CHD1L: variants seen among roughly 807,000 people sequenced by gnomAD.
CHD1L encodes ATP-dependent chromatin remodeler CHD1L.
A neutral mutation model predicts 115.9 loss-of-function variants in CHD1L; 118 were observed. The observed-to-expected ratio is 1.02, with a 90% CI of 0.88 to 1.19. The LOEUF (loss-of-function observed/expected upper bound fraction) is 1.19, where lower values mean the gene tolerates loss of function less well. Ranked by LOEUF, CHD1L falls within the 50% of genes most tolerant of loss-of-function variation. The pLI, the probability that CHD1L is intolerant of heterozygous loss-of-function variation, is 0.00. For synonymous variants in CHD1L, 411 were observed against 387.1 expected, an observed-to-expected ratio of 1.06 and a Z score of -0.72; for missense variants, 1,179 against 1,065.3, an observed-to-expected ratio of 1.11 and a Z score of -1.49.
chr1:147,293,474 C>T (rs1367004721), intron 20 of CHD1L, 134 bp from the exon 21 acceptor site: 2 of 685,634 alleles, frequency 2.9e-6, no homozygotes, highest in African/African-American at 3.6e-5. Context: ...CATTGCTGTT[C>T]AGGCATAGCA....
the CHD1L span, among the ~76,000 whole-genome samples, chr1:147,181,133 G>A: frequency 6.6e-6 from 1 of 152,132 alleles, no homozygotes; most frequent in South Asian, 2.1e-4. Flanking sequence ...CTCTCATACA[G>A]AATTCCAAAT....
chr1:147,174,109 A>G, the CHD1L span, among the ~76,000 whole-genome samples: 1 of 152,044 alleles, frequency 6.6e-6, no homozygotes, highest in Non-Finnish European at 1.5e-5. Context: ...CTACTCCCCT[A>G]TTCTTTGCTC....
intron 19 of CHD1L, among the ~76,000 whole-genome samples, chr1:147,289,888 C>T (rs1205320785): frequency 6.6e-6 from 1 of 152,120 alleles, no homozygotes; most frequent in African/African-American, 2.4e-5. Flanking sequence ...TCATAGAAGA[C>T]GTCACATGAT....
chr1:147,286,511 T>C lies in CHD1L; in HGVS notation c.2221+11T>C. The C allele has an allele frequency of 6.2e-7, 1 of 1,612,056 alleles. No homozygotes were observed. The highest frequency in any genetic ancestry group is 1.9e-4 in the Middle Eastern group (1 of 5,214). On this transcript the variant is annotated intron_variant, in intron 18 of 22. Coordinates refer to ENST00000369258, the MANE Select transcript of CHD1L (RefSeq NM_004284.6). ...TTGTGCACTGCGTAGGTACGAGAAG[T>C]GGTATGGGCTGGGGATGGGGGCCTC...
chr1:147,236,961 G>A, the CHD1L span, among the ~76,000 whole-genome samples: 4 of 152,182 alleles, frequency 2.6e-5, no homozygotes, highest in Non-Finnish European at 4.4e-5. Context: ...TTCCACCCAG[G>A]AGACTGCCTC....
intron 11 of CHD1L, among the ~76,000 whole-genome samples, chr1:147,271,529 C>T (rs184143116): frequency 1.3e-5 from 2 of 152,344 alleles, no homozygotes; most frequent in East Asian, 3.9e-4. Context: ...AAGGCTCTAA[C>T]ATGAGTTGAT....
At chr1:147,229,949 C>G in the CHD1L span, among the ~76,000 whole-genome samples, 3 of 150,632 alleles carry the variant, frequency 2.0e-5, no homozygotes, top group Non-Finnish European at 2.9e-5. Context: ...ATCATGTCTT[C>G]TGCCAACAGG....
At chr1:147,233,663 G>A in the CHD1L span, among the ~76,000 whole-genome samples, 1 of 152,190 alleles carries the variant, frequency 6.6e-6, no homozygotes, top group African/African-American at 2.4e-5. Flanking sequence ...GGGGGGAAAG[G>A]TGGGGAAAAG....
chr1:147,201,442 A>T, the CHD1L span: 4 of 1,613,970 alleles, frequency 2.5e-6, no homozygotes, highest in Non-Finnish European at 2.5e-6. Context: ...TTTCACTTTC[A>T]CCAAGCCAGA....
At chr1:147,187,327 T>TA in the CHD1L span, 1 of 974,140 alleles carries the variant, frequency 1.0e-6, no homozygotes, top group South Asian at 1.6e-5. Context: ...GAGTGCCTGC[T>TA]ATTGGCTCAA....
intron 1 of CHD1L, among the ~76,000 whole-genome samples, chr1:147,251,487 A>C (rs1668385545): frequency 1.3e-5 from 2 of 152,212 alleles, no homozygotes; most frequent in South Asian, 4.1e-4. Flanking sequence ...ACTCCATAGA[A>C]TCATTATAAG....
chr1:147,285,016 G>A (rs184218747), intron 16 of CHD1L, among the ~76,000 whole-genome samples: 53 of 152,290 alleles, frequency 3.5e-4, no homozygotes, highest in African/African-American at 1.2e-3. Flanking sequence ...TATGCTTTTA[G>A]TCAAGGAAAA....
At chr1:147,210,427 C>T in the CHD1L span, 1 of 152,130 alleles carries the variant, frequency 6.6e-6, no homozygotes, top group Non-Finnish European at 1.5e-5. Flanking sequence ...AAGTTATATA[C>T]GCACATTGCT....
the CHD1L span, among the ~76,000 whole-genome samples, chr1:147,197,520 G>A: frequency 6.6e-6 from 1 of 152,024 alleles, no homozygotes. Context: ...TTAATCATGG[G>A]GTGGTTACTC....
chr1:147,190,110 A>G, the CHD1L span: 8 of 1,089,122 alleles, frequency 7.3e-6, no homozygotes, highest in Non-Finnish European at 1.1e-5. Context: ...TAAATACAGT[A>G]CAATATTTCT....
intron 19 of CHD1L, among the ~76,000 whole-genome samples, chr1:147,291,089 ATATAT>A (rs1463050864): frequency 4.6e-5 from 7 of 152,324 alleles, no homozygotes; most frequent in South Asian, 2.1e-4. Flanking sequence ...GGGTAGGAAA[ATATAT>A]TATACAAACA....
At chr1:147,185,402 A>C in the CHD1L span, among the ~76,000 whole-genome samples, 25 of 152,188 alleles carry the variant, frequency 1.6e-4, no homozygotes, top group Admixed American at 3.9e-4. Context: ...TGATATGCAG[A>C]TTTAAAAATA....
At chr1:147,239,264 G>A (rs587637569), upstream of CHD1L, among the ~76,000 whole-genome samples, 10 of 152,256 alleles carry the variant, frequency 6.6e-5, no homozygotes, top group Non-Finnish European at 1.2e-4. Context: ...AACTTTGAGC[G>A]TTAGCCATCT....
At chr1:147,254,186 C>T (rs1571684505) in intron 2 of CHD1L, among the ~76,000 whole-genome samples, 1 of 152,132 alleles carries the variant, frequency 6.6e-6, no homozygotes, top group East Asian at 1.9e-4. Context: ...CTGAAGTATG[C>T]CCATTTGCCT....
Sources: allele counts gnomAD v4.1 joint callset (sites outside exome capture counted in the v4.1 genomes callset), GRCh38; gene constraint gnomAD v4.1.1; transcripts MANE v1.5; gene names NCBI Gene and HGNC (gene_info 2026-07-23, HGNC 2026-07-21).